The following DENND1A variants were observed in gnomAD, a reference collection of about 807,000 sequenced individuals.
The protein encoded by DENND1A is DENN domain-containing protein 1A.
Under a neutral mutation model 113.7 loss-of-function variants are expected in DENND1A, and 51 were observed. The ratio of observed to expected loss-of-function variants is 0.45; its 90% CI spans 0.36 to 0.57. DENND1A has a LOEUF of 0.57. Among genes scored for constraint, DENND1A ranks in the 20% least tolerant of loss-of-function variants. The probability of loss-of-function intolerance (pLI) is 0.00; values close to 1 mark genes in which losing one functional copy is unlikely to be tolerated. For missense variants in DENND1A, 1,258 were observed against 1,395.9 expected, an observed-to-expected ratio of 0.90 and a Z score of 1.57; for synonymous variants, 565 against 570.8, an observed-to-expected ratio of 0.99 and a Z score of 0.14.
At chr9:123,389,625 G>C (rs2042739015) in intron 21 of DENND1A, among the ~76,000 whole-genome samples, 1 of 152,240 alleles carries the variant, frequency 6.6e-6, no homozygotes, top group African/African-American at 2.4e-5. Flanking sequence ...TCACTCTCCT[G>C]CTAAAACCTA....
chr9:123,803,456 C>A (rs1835033209), intron 2 of DENND1A, among the ~76,000 whole-genome samples: 1 of 152,148 alleles, frequency 6.6e-6, no homozygotes, highest in Non-Finnish European at 1.5e-5. Flanking sequence ...CACTGATTCC[C>A]TTACTGGCCA....
chr9:123,401,666 A>G, intron 21 of DENND1A: 1 of 1,482,164 alleles, frequency 6.7e-7, no homozygotes, highest in Non-Finnish European at 9.0e-7. Flanking sequence ...TAAACAAACA[A>G]CAAACCAACC....
intron 18 of DENND1A, among the ~76,000 whole-genome samples, chr9:123,442,226 T>A (rs960157650): frequency 6.6e-6 from 1 of 152,176 alleles, no homozygotes; most frequent in South Asian, 2.1e-4. Flanking sequence ...CTGAGAAGTC[T>A]GTACTGCTTG....
intron 13 of DENND1A, among the ~76,000 whole-genome samples, chr9:123,488,355 T>C (rs2051067831): frequency 1.3e-5 from 2 of 152,344 alleles, no homozygotes; most frequent in South Asian, 2.1e-4. Context: ...GTAATAAATA[T>C]GTAAAATCCA....
intron 12 of DENND1A, among the ~76,000 whole-genome samples, chr9:123,579,228 A>G (rs1352148113): frequency 1.3e-5 from 2 of 152,178 alleles, no homozygotes; most frequent in African/African-American, 4.8e-5. Context: ...TTCTCAAACA[A>G]CCTTATGTGG....
At chr9:123,451,024 A>G (rs2047681078) in intron 17 of DENND1A, among the ~76,000 whole-genome samples, 1 of 151,874 alleles carries the variant, frequency 6.6e-6, no homozygotes, top group African/African-American at 2.4e-5. Flanking sequence ...TCTGCTCTCT[A>G]TAATTATTTA....
Position 123,503,246 on chromosome 9 carries a change from C to T in DENND1A, c.994-45349G>A, listed in dbSNP as rs567533146. Among the ~76,000 whole-genome samples, 10 of 152,300 alleles carry T rather than the reference C, an allele frequency of 6.6e-5. No homozygotes were observed. The South Asian group carries it at 2.1e-3, about 32-fold the overall frequency. ...AGCCATGTGACCTTGGCATAGTCAA[C>T]TACTCTCTTTATGCCTCTGTCTCCT... On this transcript the variant is annotated intron_variant, in intron 13 of 23. Transcript: ENST00000394215.
intron 13 of DENND1A, among the ~76,000 whole-genome samples, chr9:123,522,531 C>A (rs1360519481): frequency 6.6e-6 from 1 of 152,174 alleles, no homozygotes; most frequent in Admixed American, 6.5e-5. Flanking sequence ...TTGAAAAAGA[C>A]CCTCTTTTAC....
chr9:123,753,269 GA>G (rs1449860265), intron 5 of DENND1A, among the ~76,000 whole-genome samples: 1 of 152,066 alleles, frequency 6.6e-6, no homozygotes, highest in Non-Finnish European at 1.5e-5. Flanking sequence ...TGTGGGAGGA[GA>G]AAAAAACATA....
In DENND1A at chr9:123,921,257, A is replaced by G. The variant is rs142975828; in HGVS notation, c.17+8632T>C. ...ATATCTCCACTGAGAACTAGGCACA[A>G]TATCTCTTTTAATTATCACAACAAC... On this transcript the variant is annotated intron_variant, in intron 1 of 23. Coordinates refer to ENST00000394215, the MANE Select transcript of DENND1A (RefSeq NM_001352964.2). 1.2e-4 allele frequency among the ~76,000 whole-genome samples: 19 copies of G among 152,312 alleles called. No individual in the cohort carries two copies. The East Asian group carries it at 1.7e-3, about 14-fold the overall frequency.
At chr9:123,504,551 A>G (rs1422427887) in intron 13 of DENND1A, among the ~76,000 whole-genome samples, 2 of 152,246 alleles carry the variant, frequency 1.3e-5, no homozygotes, top group Non-Finnish European at 2.9e-5. Flanking sequence ...CTCAGAATAT[A>G]AATCCTTAGC....
At chr9:123,401,772 C>A in intron 21 of DENND1A, 1 of 1,613,806 alleles carries the variant, frequency 6.2e-7, no homozygotes, top group South Asian at 1.1e-5. Context: ...ACTGCGAAGT[C>A]AGCCCCTCTG....
chr9:123,822,279 T>G (rs539688735), intron 2 of DENND1A, among the ~76,000 whole-genome samples: 1 of 152,346 alleles, frequency 6.6e-6, no homozygotes, highest in Admixed American at 6.5e-5. Context: ...CAATATAATG[T>G]TACTACCATC....
intron 3 of DENND1A, among the ~76,000 whole-genome samples, chr9:123,781,251 G>A (rs778261135): frequency 1.1e-4 from 16 of 152,166 alleles, no homozygotes; most frequent in Non-Finnish European, 1.2e-4. Flanking sequence ...TTATGCCCAC[G>A]ATTTCTGTGT....
intron 1 of DENND1A, among the ~76,000 whole-genome samples, chr9:123,880,136 C>T (rs1324664985): frequency 2.0e-5 from 3 of 152,134 alleles, no homozygotes; most frequent in African/African-American, 4.8e-5. Context: ...CCTCAGCCTC[C>T]CAAGTAGCTT....
chr9:123,897,441 G>A (rs1412458360), intron 1 of DENND1A, among the ~76,000 whole-genome samples: 1 of 152,210 alleles, frequency 6.6e-6, no homozygotes, highest in Non-Finnish European at 1.5e-5. Flanking sequence ...CCTACAACCA[G>A]AGGAAGTGTG....
chr9:123,909,371 A>C (rs1853524571), intron 1 of DENND1A, among the ~76,000 whole-genome samples: 1 of 150,318 alleles, frequency 6.7e-6, no homozygotes, highest in Non-Finnish European at 1.5e-5. Flanking sequence ...AAAAAACAAT[A>C]AAAAAATAAA....
chr9:123,611,578 T>C (rs1432627806), intron 10 of DENND1A, among the ~76,000 whole-genome samples: 2 of 152,138 alleles, frequency 1.3e-5, no homozygotes, highest in Admixed American at 1.3e-4. Context: ...GCCTAACACA[T>C]AGAAGGGAGA....
At chr9:123,734,350 C>A (rs2068402743) in intron 5 of DENND1A, among the ~76,000 whole-genome samples, 1 of 152,080 alleles carries the variant, frequency 6.6e-6, no homozygotes, top group Non-Finnish European at 1.5e-5. Context: ...AATAATTTAA[C>A]TTTCTTTATC....
Sources: gnomAD v4.1 joint callset for allele counts (sites outside exome capture counted in the v4.1 genomes callset) on GRCh38, gnomAD v4.1.1 for gene constraint, MANE v1.5 for transcripts, NCBI Gene and HGNC (gene_info 2026-07-23, HGNC 2026-07-21) for gene names.